LSM6: variants seen among roughly 807,000 people sequenced by gnomAD.
LSM6 encodes the protein LSM6 homolog, U6 small nuclear RNA and mRNA degradation associated.
Under a neutral mutation model 13.5 loss-of-function variants are expected in LSM6, and 2 were observed. That is an observed-to-expected ratio of 0.15 (90% CI 0.06 to 0.47). The LOEUF is 0.47. LSM6 is among the 20% of genes least tolerant of loss of function. The probability of loss-of-function intolerance (pLI) is 0.97; values close to 1 mark genes in which losing one functional copy is unlikely to be tolerated. For missense variants in LSM6, 58 were observed against 96.4 expected (o/e 0.60, Z 1.67); for synonymous variants, 43 against 34.9 (o/e 1.23, Z -0.82).
At position 146,187,265 on chromosome 4, in the gene LSM6, T is replaced by C. The variant is rs753641243; in HGVS notation, c.95-9T>C. On this transcript the variant is annotated splice_polypyrimidine_tract_variant and intron_variant, in intron 2 of 3. Coordinates refer to ENST00000296581, the MANE Select transcript of LSM6 (RefSeq NM_007080.3). ...TGTGTATCTTCTTTTTGACTAAATATGTCTGCAGGGGTCCTGGCTTGCCTG... is the reference window on the plus strand; with the variant it reads ...TGTGTATCTTCTTTTTGACTAAATACGTCTGCAGGGGTCCTGGCTTGCCTG... 1 of 1,534,264 alleles carries C rather than the reference T, an allele frequency of 6.5e-7. No homozygotes were observed. The highest frequency in any genetic ancestry group is 1.7e-5 in the Admixed American group (1 of 59,486).
chr4:146,179,885 T>G (rs1405473940), intron 1 of LSM6, among the ~76,000 whole-genome samples: 1 of 152,214 alleles, frequency 6.6e-6, no homozygotes, highest in Non-Finnish European at 1.5e-5. Flanking sequence ...TCAAATAGAT[T>G]GCTGGCTCCT....
rs1730450404 is a variant in LSM6, at chr4:146,190,637, C to G, written c.*981C>G. On this transcript the variant is annotated 3_prime_UTR_variant, in exon 4 of 4. Coordinates refer to ENST00000296581, the MANE Select transcript of LSM6 (RefSeq NM_007080.3). ...CTTTATGTTGCTTGGCACAAGGCAG[C>G]TCCTCTGGTTATGTGACTCCTGCTG... 6.6e-6 allele frequency: 1 copy of G among 152,242 alleles called. No homozygotes were observed. The highest frequency in any genetic ancestry group is 1.5e-5 in the Non-Finnish European group (1 of 68,058). 9.4% of individuals were successfully genotyped at this position (152,242 alleles called of 1,614,324 possible). A position where few individuals can be genotyped will look rare whatever the true frequency, so the allele number is the denominator to read the frequency against.
intron 1 of LSM6, 50 bp from the exon 2 acceptor site, chr4:146,182,862 A>G (rs781580137): frequency 3.7e-5 from 40 of 1,089,002 alleles, no homozygotes; most frequent in Non-Finnish European, 4.8e-5. Flanking sequence ...TTGTTGAATA[A>G]TCAACTTTGG....
chr4:146,187,177 C>G lies in LSM6; in HGVS notation c.95-97C>G, dbSNP rs773526726. On this transcript the variant is annotated intron_variant, in intron 2 of 3. Coordinates refer to ENST00000296581, the MANE Select transcript of LSM6 (RefSeq NM_007080.3). ...AATTTTTATATTAAGCATCTAAGAACTAATGAATAAAGAGATTGTCTGCTC... is the reference window on the plus strand; with the variant it reads ...AATTTTTATATTAAGCATCTAAGAAGTAATGAATAAAGAGATTGTCTGCTC... The G allele has an allele frequency of 1.8e-5, 11 of 622,954 alleles. No homozygotes were observed. In the South Asian group the frequency reaches 2.3e-4, roughly 13 times the overall value. The allele number at this position is 622,954 out of a possible 1,614,324, so 38.6% of individuals were successfully genotyped here. A position where few individuals can be genotyped will look rare whatever the true frequency, so the allele number is the denominator to read the frequency against.
At chr4:146,181,253 T>C (rs1365486919) in intron 1 of LSM6, 1 of 152,250 alleles carries the variant, frequency 6.6e-6, no homozygotes, top group African/African-American at 2.4e-5. Context: ...CTGAAATTTG[T>C]ATTTTCTTTT....
chr4:146,184,137 G>T (rs527992448), intron 2 of LSM6, among the ~76,000 whole-genome samples: 1 of 142,718 alleles, frequency 7.0e-6, no homozygotes, highest in African/African-American at 2.4e-5. Context: ...AGCACACTGC[G>T]TGAAGACTTT....
At chr4:146,179,693 G>A (rs924846407) in intron 1 of LSM6, among the ~76,000 whole-genome samples, 1 of 152,210 alleles carries the variant, frequency 6.6e-6, no homozygotes, top group South Asian at 2.1e-4. Flanking sequence ...AGAGGGCATA[G>A]TGACAGGTTA....
Position 146,190,269 on chromosome 4 carries a change from T to G in LSM6, c.*613T>G, listed in dbSNP as rs1287568263. ...TGAGGTGCTGGAGAAATCCTAAAGA[T>G]GAACAAGATTTCAGTGAGGAGAAAG... On this transcript the variant is annotated 3_prime_UTR_variant, in exon 4 of 4. Transcript: ENST00000296581. The G allele has an allele frequency of 2.0e-5, 3 of 152,390 alleles. No homozygotes were observed. Among genetic ancestry groups the G allele is most frequent in the Non-Finnish European group, 4.4e-5 (3 of 68,174 alleles). 9.4% of individuals were successfully genotyped at this position (152,390 alleles called of 1,614,324 possible).
chr4:146,181,513 T>A (rs1181920460), intron 1 of LSM6, among the ~76,000 whole-genome samples: 1 of 152,220 alleles, frequency 6.6e-6, no homozygotes, highest in Non-Finnish European at 1.5e-5. Flanking sequence ...GTGAATTCAC[T>A]ATGAGAACGT....
chr4:146,183,796 A>G (rs759105070), intron 2 of LSM6: 1 of 151,268 alleles, frequency 6.6e-6, no homozygotes, highest in Admixed American at 6.6e-5. Context: ...TTTTGGTTAC[A>G]TAGATACGTT....
Position 146,188,361 on chromosome 4 carries a change from A to T in LSM6, c.208+974A>T, listed in dbSNP as rs573092802. Among the ~76,000 whole-genome samples the T allele has an allele frequency of 2.0e-5, 3 of 151,650 alleles. No homozygotes were observed. The East Asian group carries it at 5.8e-4, about 29-fold the overall frequency. On this transcript the variant is annotated intron_variant, in intron 3 of 3. Transcript: ENST00000296581. ...GGCAGGTTGGGTTCTGTGCGTGTTG[A>T]TAGGGTAGATCCTTTAACGTGCACA... is the stretch of plus-strand genomic sequence containing the variant.
chr4:146,188,296 A>T (rs1328621689), intron 3 of LSM6, among the ~76,000 whole-genome samples: 2 of 151,906 alleles, frequency 1.3e-5, no homozygotes, highest in Admixed American at 6.6e-5. Flanking sequence ...AAATGTTATG[A>T]TCTTGTCTCA....
intron 2 of LSM6, among the ~76,000 whole-genome samples, chr4:146,185,540 C>G (rs985368213): frequency 6.7e-6 from 1 of 148,942 alleles, no homozygotes; most frequent in Non-Finnish European, 1.5e-5. Flanking sequence ...ACTCCAGCAA[C>G]TCTCTGTAGC....
intron 1 of LSM6, among the ~76,000 whole-genome samples, chr4:146,182,691 T>G (rs1400530293): frequency 2.0e-5 from 3 of 152,250 alleles, no homozygotes; most frequent in African/African-American, 7.2e-5. Flanking sequence ...TTGTGGGTAC[T>G]GATAAGATAA....
intron 3 of LSM6, among the ~76,000 whole-genome samples, chr4:146,188,673 T>G (rs1730400122): frequency 6.6e-6 from 1 of 152,098 alleles, no homozygotes; most frequent in Non-Finnish European, 1.5e-5. Flanking sequence ...ACCCAAGCAT[T>G]TCATTTTGTT....
intron 1 of LSM6, 200 bp downstream of exon 1, chr4:146,176,011 C>T (rs548701135): frequency 1.3e-5 from 2 of 152,642 alleles, no homozygotes; most frequent in African/African-American, 4.8e-5. Context: ...AATGCCGCGT[C>T]CAAGCTCTCC....
intron 2 of LSM6, among the ~76,000 whole-genome samples, chr4:146,184,884 G>C (rs963698684): frequency 6.6e-6 from 1 of 152,088 alleles, no homozygotes; most frequent in Non-Finnish European, 1.5e-5. Context: ...TACCAATTTT[G>C]ACCTCTATAT....
intron 2 of LSM6, 68 bp downstream of exon 2, chr4:146,183,083 T>A: frequency 8.4e-7 from 1 of 1,183,552 alleles, no homozygotes; most frequent in Non-Finnish European, 1.3e-6. Context: ...TGATATTTAT[T>A]AACCTCTTAA....
chr4:146,183,049 A>G (rs1433478502), intron 2 of LSM6, 34 bp downstream of exon 2: 2 of 1,403,498 alleles, frequency 1.4e-6, no homozygotes, highest in Non-Finnish European at 1.0e-6. Flanking sequence ...CACTGGTATA[A>G]CTGAATAAGT....
Sources: allele counts gnomAD v4.1 joint callset (sites outside exome capture counted in the v4.1 genomes callset), GRCh38; gene constraint gnomAD v4.1.1; transcripts MANE v1.5; gene names NCBI Gene and HGNC (gene_info 2026-07-23, HGNC 2026-07-21).